The following GRM5 variants were observed in gnomAD, a reference collection of about 807,000 sequenced individuals.
GRM5 encodes metabotropic glutamate receptor 5.
In GRM5, 19 loss-of-function variants were observed where a neutral mutation model predicts 83.1. The observed-to-expected ratio is 0.23, with a 90% CI of 0.16 to 0.34. The LOEUF (loss-of-function observed/expected upper bound fraction) is 0.34. Among genes scored for constraint, GRM5 ranks in the 10% least tolerant of loss-of-function variants. The pLI, the probability that GRM5 is intolerant of heterozygous loss-of-function variation, is 1.00. For synonymous variants in GRM5, 675 were observed against 633.6 expected, an observed-to-expected ratio of 1.07 and a Z score of -0.98; for missense variants, 1,160 against 1,588.3, an observed-to-expected ratio of 0.73 and a Z score of 4.58.
At chr11:89,023,057 C>T (rs1312928748) in intron 2 of GRM5, among the ~76,000 whole-genome samples, 1 of 152,026 alleles carries the variant, frequency 6.6e-6, no homozygotes, top group African/African-American at 2.4e-5. Context: ...TTTTTCCAAA[C>T]AGTGATGTAT....
At chr11:88,825,695 A>G (rs1943883925) in intron 3 of GRM5, among the ~76,000 whole-genome samples, 1 of 152,218 alleles carries the variant, frequency 6.6e-6, no homozygotes, top group Admixed American at 6.5e-5. Flanking sequence ...GCTGGACTCA[A>G]ATGATTACAG....
chr11:88,985,832 G>C (rs375133408), intron 2 of GRM5, among the ~76,000 whole-genome samples: 1 of 152,082 alleles, frequency 6.6e-6, no homozygotes, highest in Non-Finnish European at 1.5e-5. Flanking sequence ...GTGAAAATCA[G>C]GGTAAGTTAT....
chr11:88,891,622 T>G (rs1373182854), intron 2 of GRM5, among the ~76,000 whole-genome samples: 1 of 119,694 alleles, frequency 8.4e-6, no homozygotes. Context: ...CATAATTAAT[T>G]TTAAAATTAT....
At chr11:88,909,545 TACACACACACAC>T (rs60637208) in intron 2 of GRM5, among the ~76,000 whole-genome samples, 2 of 146,096 alleles carry the variant, frequency 1.4e-5, no homozygotes, top group African/African-American at 5.1e-5. Flanking sequence ...TCCTCACCAG[TACACACACACAC>T]ACACACACAC....
intron 2 of GRM5, among the ~76,000 whole-genome samples, chr11:88,967,846 C>T (rs557323798): frequency 6.6e-6 from 1 of 151,998 alleles, no homozygotes; most frequent in African/African-American, 2.4e-5. Flanking sequence ...GGAAGATGCA[C>T]CCAAGACAGA....
chr11:88,925,511 T>C (rs531905223), intron 2 of GRM5, among the ~76,000 whole-genome samples: 1 of 152,174 alleles, frequency 6.6e-6, no homozygotes, highest in East Asian at 1.9e-4. Context: ...GGGTTCCTAA[T>C]CCAAATTTCA....
intron 9 of GRM5, among the ~76,000 whole-genome samples, chr11:88,518,967 A>AT (rs1941602414): frequency 2.0e-5 from 3 of 149,294 alleles, no homozygotes. Context: ...TGAACCATAC[A>AT]TTTTTGTTTT....
intron 3 of GRM5, among the ~76,000 whole-genome samples, chr11:88,711,822 A>G (rs1941288050): frequency 6.6e-6 from 1 of 152,056 alleles, no homozygotes; most frequent in African/African-American, 2.4e-5. Context: ...CAAAAACATC[A>G]TATAACTAGC....
intron 5 of GRM5, among the ~76,000 whole-genome samples, chr11:88,604,503 G>A (rs928667734): frequency 3.9e-5 from 6 of 152,102 alleles, no homozygotes; most frequent in African/African-American, 9.7e-5. Context: ...GTGATGATTC[G>A]CAAAGCACAT....
intron 8 of GRM5, among the ~76,000 whole-genome samples, chr11:88,564,816 G>A (rs955561658): frequency 6.6e-6 from 1 of 152,168 alleles, no homozygotes; most frequent in Non-Finnish European, 1.5e-5. Context: ...GACAGGATGT[G>A]CTATACAGAA....
intron 2 of GRM5, among the ~76,000 whole-genome samples, chr11:88,947,500 G>A (rs1590987780): frequency 6.6e-6 from 1 of 150,678 alleles, no homozygotes; most frequent in East Asian, 1.9e-4. Flanking sequence ...TACCTAAAAC[G>A]TGTTCTTTTT....
At chr11:89,002,519 C>T (rs980610003) in intron 2 of GRM5, among the ~76,000 whole-genome samples, 1 of 152,086 alleles carries the variant, frequency 6.6e-6, no homozygotes, top group African/African-American at 2.4e-5. Flanking sequence ...ATAGGTTATC[C>T]CCTTGGCAAC....
At chr11:88,964,562 C>T (rs1163679687) in intron 2 of GRM5, among the ~76,000 whole-genome samples, 1 of 152,104 alleles carries the variant, frequency 6.6e-6, no homozygotes. Flanking sequence ...AACAAATAGA[C>T]AGACACCTGC....
At chr11:88,629,630 C>T (rs1434327563) in intron 4 of GRM5, among the ~76,000 whole-genome samples, 1 of 152,178 alleles carries the variant, frequency 6.6e-6, no homozygotes, top group Non-Finnish European at 1.5e-5. Context: ...CCATACCACA[C>T]TCGCTTACCC....
Position 88,709,936 on chromosome 11 carries a change from C to T in GRM5, c.912-56533G>A, listed in dbSNP as rs865978760. ...AAGAAAGCAAGTCACAGCTCTGCTG[C>T]CTACCAAGCTGCCTCTTCCAGCTTC... On this transcript the variant is annotated intron_variant, in intron 3 of 9. Transcript: ENST00000305447. 4.6e-5 allele frequency among the ~76,000 whole-genome samples: 7 copies of T among 152,144 alleles called. No homozygotes were observed. The South Asian group carries it at 6.2e-4, about 13-fold the overall frequency.
At chr11:88,727,000 G>A (rs1178724325) in intron 3 of GRM5, among the ~76,000 whole-genome samples, 2 of 152,288 alleles carry the variant, frequency 1.3e-5, no homozygotes, top group South Asian at 2.1e-4. Flanking sequence ...AAAATAACCA[G>A]CTAGCATCAT....
chr11:88,802,772 A>G (rs901202023), intron 3 of GRM5, among the ~76,000 whole-genome samples: 1 of 150,002 alleles, frequency 6.7e-6, no homozygotes, highest in Admixed American at 6.6e-5. Context: ...ACATGATTGT[A>G]TATCTAGAAA....
At chr11:88,646,940 T>C (rs1425678348) in intron 4 of GRM5, among the ~76,000 whole-genome samples, 1 of 150,534 alleles carries the variant, frequency 6.6e-6, no homozygotes, top group Non-Finnish European at 1.5e-5. Context: ...ACAGTAGAAA[T>C]TTATTTTCTC....
intron 3 of GRM5, among the ~76,000 whole-genome samples, chr11:88,724,115 T>A (rs976552999): frequency 3.9e-5 from 6 of 152,182 alleles, no homozygotes; most frequent in African/African-American, 1.4e-4. Flanking sequence ...TACCTATTCC[T>A]CCAGATCCAT....
Sources: gnomAD v4.1 joint callset for allele counts (sites outside exome capture counted in the v4.1 genomes callset) on GRCh38, gnomAD v4.1.1 for gene constraint, MANE v1.5 for transcripts, NCBI Gene and HGNC (gene_info 2026-07-23, HGNC 2026-07-21) for gene names.